NAT1: variants seen among roughly 807,000 people sequenced by gnomAD.
NAT1 encodes the protein N-acetyltransferase 1.
For synonymous variants in NAT1, 144 were observed against 122.6 expected (o/e 1.17, Z -1.16); for missense variants, 400 against 339.2 (o/e 1.18, Z -1.41).
chr8:18,172,360 T>A (rs147052304), intron 2 of NAT1, among the ~76,000 whole-genome samples: 1 of 152,324 alleles, frequency 6.6e-6, no homozygotes, highest in African/African-American at 2.4e-5. Context: ...TGACTTCTGA[T>A]CACACTGCTT....
At chr8:18,175,198 G>A (rs10100093) in intron 2 of NAT1, among the ~76,000 whole-genome samples, 39,565 of 151,628 alleles carry the variant, frequency 0.26, 5,747 homozygotes, top group African/African-American at 0.38. Flanking sequence ...TCACCTTATT[G>A]CTTTTTTTTT....
chr8:18,183,795 T>C (rs996704554), intron 2 of NAT1, among the ~76,000 whole-genome samples: 1 of 152,004 alleles, frequency 6.6e-6, no homozygotes, highest in African/African-American at 2.4e-5. Context: ...AAGAAAGGGG[T>C]AGCAGGTTTC....
chr8:18,180,335 G>T (rs1802463715), intron 2 of NAT1, among the ~76,000 whole-genome samples: 1 of 152,160 alleles, frequency 6.6e-6, no homozygotes, highest in African/African-American at 2.4e-5. Flanking sequence ...CTGAGGGGTT[G>T]AGAAATGGTT....
intron 1 of NAT1, among the ~76,000 whole-genome samples, chr8:18,215,300 G>C (rs17693097): frequency 0.072 from 11,003 of 152,208 alleles, 431 homozygotes; most frequent in East Asian, 0.13. Context: ...CACTTCGGAA[G>C]CACCAATTGT....
At chr8:18,174,875 T>C (rs1437843576) in intron 2 of NAT1, among the ~76,000 whole-genome samples, 1 of 152,080 alleles carries the variant, frequency 6.6e-6, no homozygotes, top group Non-Finnish European at 1.5e-5. Flanking sequence ...TATATAGCAC[T>C]AAGAAGAGTG....
chr8:18,191,518 G>C (rs921650146), intron 2 of NAT1, among the ~76,000 whole-genome samples: 2 of 151,852 alleles, frequency 1.3e-5, no homozygotes, highest in African/African-American at 4.8e-5. Context: ...AACCAAAAAA[G>C]AGCCCGCATC....
chr8:18,206,062 C>T (rs1055165757), upstream of NAT1, among the ~76,000 whole-genome samples: 5 of 152,216 alleles, frequency 3.3e-5, no homozygotes, highest in African/African-American at 4.8e-5. Flanking sequence ...GGCTCCACAT[C>T]GGCTGGTTTG....
rs1215564524 is a variant in NAT1 at position 18,198,167 on chromosome 8, A to C, written n.93-11614A>C. Among the ~76,000 whole-genome samples the C allele has an allele frequency of 4.0e-4, 4 of 9,966 alleles. No homozygotes were observed. In the African/African-American group the frequency reaches 0.011, roughly 27 times the overall value. The allele number at this position is 9,966 out of a possible 152,430, so 6.5% of individuals were successfully genotyped here. Reference sequence around the variant, plus strand: ...CAGCAGAGACTTTCCAATCTAGGCAAAAAAAAATCTGCTTTTCTTCCTCCA... The same window carrying C: ...CAGCAGAGACTTTCCAATCTAGGCACAAAAAAATCTGCTTTTCTTCCTCCA... On this transcript the variant is annotated intron_variant and non_coding_transcript_variant, in intron 2 of 4. Transcript: ENST00000517441.
intron 2 of NAT1, among the ~76,000 whole-genome samples, chr8:18,188,938 T>G (rs934845047): frequency 1.5e-5 from 2 of 129,306 alleles, no homozygotes; most frequent in Non-Finnish European, 3.1e-5. Flanking sequence ...GAGACTGCAG[T>G]GAGCCCAGAT....
At chr8:18,220,139 C>A (rs1326934269) in intron 2 of NAT1, among the ~76,000 whole-genome samples, 1 of 152,128 alleles carries the variant, frequency 6.6e-6, no homozygotes, top group African/African-American at 2.4e-5. Flanking sequence ...CTAAATACAT[C>A]TTGTTCTCTC....
rs753271283 is a variant in NAT1, at chr8:18,222,379, A to T, written c.332A>T (p.Gln111Leu). 6.2e-7 allele frequency: 1 copy of T among 1,614,132 alleles called. No homozygotes were observed. The highest frequency in any genetic ancestry group is 1.7e-5 in the Admixed American group (1 of 60,010). Residue 111 changes from glutamine to leucine, a missense_variant, in exon 3 of 3, where the codon CAG becomes CTG. Gln to Leu is a moderately radical substitution (Grantham distance 113, BLOSUM62 -2). Transcript: ENST00000307719. The stretch of plus-strand genomic sequence containing the variant: ...ACTGGCATGATTCACCTTCTCCTGC[A>T]GGTGACCATTGATGGCAGGAACTAC... Reference protein sequence around the residue: ...YSTGMIHLLLQVTIDGRNYIV... With the variant: ...YSTGMIHLLLLVTIDGRNYIV...
intron 2 of NAT1, among the ~76,000 whole-genome samples, chr8:18,176,538 T>C (rs1261231280): frequency 5.3e-5 from 8 of 152,058 alleles, no homozygotes. Context: ...TTTCTGGGCA[T>C]TCTATTGTGT....
At chr8:18,219,109 T>C (rs900485491) in intron 1 of NAT1, among the ~76,000 whole-genome samples, 6 of 152,232 alleles carry the variant, frequency 3.9e-5, no homozygotes, top group Middle Eastern at 3.4e-3. Context: ...TCCTTGCTGA[T>C]CTCATGACAG....
At chr8:18,171,286 G>GA (rs1009970477) in intron 2 of NAT1, among the ~76,000 whole-genome samples, 2 of 152,262 alleles carry the variant, frequency 1.3e-5, no homozygotes, top group Middle Eastern at 3.4e-3. Context: ...GGCATATTCA[G>GA]AAAAAACAGA....
chr8:18,176,039 A>G (rs1468556934), intron 2 of NAT1, among the ~76,000 whole-genome samples: 2 of 151,998 alleles, frequency 1.3e-5, no homozygotes, highest in Non-Finnish European at 1.5e-5. Context: ...TCCTTTGCCC[A>G]TTTTTAATCA....
At chr8:18,175,820 T>C (rs1028967285) in intron 2 of NAT1, among the ~76,000 whole-genome samples, 2 of 152,132 alleles carry the variant, frequency 1.3e-5, no homozygotes, top group African/African-American at 4.8e-5. Flanking sequence ...TACTAATTTA[T>C]GTTCCCAACA....
chr8:18,176,599 T>C (rs1741006069), intron 2 of NAT1, among the ~76,000 whole-genome samples: 1 of 89,762 alleles, frequency 1.1e-5, no homozygotes, highest in Admixed American at 1.2e-4. Flanking sequence ...TGTTTTTTTG[T>C]TTTGTTTTGT....
intron 2 of NAT1, among the ~76,000 whole-genome samples, chr8:18,187,979 A>ACG (rs1563167146): frequency 7.0e-6 from 1 of 143,806 alleles, no homozygotes; most frequent in African/African-American, 2.7e-5. Flanking sequence ...ACACACACAC[A>ACG]CTTTTATGCC....
At chr8:18,183,557 T>C (rs534422920) in intron 2 of NAT1, among the ~76,000 whole-genome samples, 1 of 152,252 alleles carries the variant, frequency 6.6e-6, no homozygotes, top group East Asian at 1.9e-4. Flanking sequence ...TAGAGATAAA[T>C]AGCCCTGAGG....
Sources: gnomAD v4.1 joint callset for allele counts (sites outside exome capture counted in the v4.1 genomes callset) on GRCh38, gnomAD v4.1.1 for gene constraint, MANE v1.5 for transcripts, NCBI Gene and HGNC (gene_info 2026-07-23, HGNC 2026-07-21) for gene names.